Variants in CDYL2 observed in about 807,000 individuals in gnomAD.
CDYL2 encodes the protein chromodomain Y-like protein 2.
A neutral mutation model predicts 49.4 loss-of-function variants in CDYL2; 23 were observed. The ratio of observed to expected loss-of-function variants is 0.47; its 90% CI spans 0.34 to 0.66. The LOEUF (loss-of-function observed/expected upper bound fraction) is 0.66. Among genes scored for constraint, CDYL2 ranks in the 30% least tolerant of loss-of-function variants. The pLI is 0.01. For missense variants in CDYL2, 678 were observed against 656.4 expected, an observed-to-expected ratio of 1.03 and a Z score of -0.36; for synonymous variants, 360 against 268.8, an observed-to-expected ratio of 1.34 and a Z score of -3.32.
At chr16:80,789,400 G>C (rs769665608) in intron 1 of CDYL2, among the ~76,000 whole-genome samples, 1 of 152,148 alleles carries the variant, frequency 6.6e-6, no homozygotes, top group South Asian at 2.1e-4. Flanking sequence ...AGGAGTTCAA[G>C]ACCAGCCTGG....
At chr16:80,706,602 G>A (rs987817883) in intron 1 of CDYL2, among the ~76,000 whole-genome samples, 2 of 152,126 alleles carry the variant, frequency 1.3e-5, no homozygotes, top group Non-Finnish European at 2.9e-5. Flanking sequence ...AAGCCGCTAG[G>A]GGCAGCCCCA....
At chr16:80,714,773 T>G (rs1248112172) in intron 1 of CDYL2, among the ~76,000 whole-genome samples, 1 of 152,208 alleles carries the variant, frequency 6.6e-6, no homozygotes, top group Admixed American at 6.5e-5. Flanking sequence ...TCCTGAGGGT[T>G]GCTCAGTGAC....
chr16:80,613,478 A>G (rs1906692998), intron 4 of CDYL2, among the ~76,000 whole-genome samples: 1 of 152,164 alleles, frequency 6.6e-6, no homozygotes, highest in Non-Finnish European at 1.5e-5. Context: ...AATTACCTGC[A>G]GGGATGCCAG....
intron 1 of CDYL2, among the ~76,000 whole-genome samples, chr16:80,714,090 C>T (rs1197202143): frequency 1.3e-5 from 2 of 152,122 alleles, no homozygotes; most frequent in African/African-American, 4.8e-5. Flanking sequence ...AATTTTTTAA[C>T]ACTACTAATT....
At chr16:80,794,423 G>C (rs886204948) in intron 1 of CDYL2, among the ~76,000 whole-genome samples, 8 of 151,996 alleles carry the variant, frequency 5.3e-5, no homozygotes, top group African/African-American at 1.9e-4. Context: ...GCATTTACCA[G>C]AAGTTCCAAT....
intron 1 of CDYL2, among the ~76,000 whole-genome samples, chr16:80,791,332 A>C (rs1339823111): frequency 2.6e-5 from 4 of 152,252 alleles, no homozygotes; most frequent in African/African-American, 9.6e-5. Flanking sequence ...CATATAAATG[A>C]AAGATTGAAT....
chr16:80,677,581 C>CA (rs1056525527), intron 2 of CDYL2, among the ~76,000 whole-genome samples: 14 of 151,058 alleles, frequency 9.3e-5, no homozygotes, highest in African/African-American at 2.4e-4. Flanking sequence ...AATAAAAATA[C>CA]AAAAAAAATC....
intron 1 of CDYL2, among the ~76,000 whole-genome samples, chr16:80,742,782 G>A (rs1475590457): frequency 6.9e-6 from 1 of 144,532 alleles, no homozygotes; most frequent in African/African-American, 2.6e-5. Context: ...GGATAGATGG[G>A]CAGATGGATG....
intron 3 of CDYL2, among the ~76,000 whole-genome samples, chr16:80,623,199 C>T (rs1228134434): frequency 2.6e-5 from 4 of 152,148 alleles, no homozygotes; most frequent in Non-Finnish European, 5.9e-5. Flanking sequence ...CCAGCCCCGA[C>T]GTATGACAGG....
rs115012427 is a variant in CDYL2 at position 80,721,082 on chromosome 16, T to C, written c.25-35953A>G. On this transcript the variant is annotated intron_variant, in intron 1 of 6. Transcript: ENST00000570137. ...GAAAATGTCAGCTCCTCCCCAGCAG[T>C]TAGGGGCTTCCTTCTCAGTGCCCCC... is the stretch of plus-strand genomic sequence containing the variant. Among the ~76,000 whole-genome samples the C allele has an allele frequency of 4.0e-3, 614 of 152,286 alleles. 3 individuals are homozygous for C. The highest frequency in any genetic ancestry group is 0.014 in the African/African-American group (579 of 41,560).
chr16:80,690,947 C>T (rs926562548), intron 1 of CDYL2, among the ~76,000 whole-genome samples: 5 of 152,094 alleles, frequency 3.3e-5, no homozygotes, highest in Non-Finnish European at 7.3e-5. Context: ...GGATTACAAT[C>T]AAAGATTTTG....
intron 2 of CDYL2, among the ~76,000 whole-genome samples, chr16:80,666,475 C>A (rs1478820398): frequency 6.6e-6 from 1 of 152,154 alleles, no homozygotes; most frequent in Non-Finnish European, 1.5e-5. Flanking sequence ...ACTCACAATG[C>A]CCTTCATGGG....
At chr16:80,748,357 T>C (rs1025451186) in intron 1 of CDYL2, among the ~76,000 whole-genome samples, 10 of 148,820 alleles carry the variant, frequency 6.7e-5, no homozygotes, top group Non-Finnish European at 1.2e-4. Context: ...AAACCCCATC[T>C]CTACTAAAAA....
chr16:80,644,090 A>G (rs1908226414), intron 2 of CDYL2, among the ~76,000 whole-genome samples: 1 of 152,210 alleles, frequency 6.6e-6, no homozygotes, highest in African/African-American at 2.4e-5. Flanking sequence ...CACCTCTTGA[A>G]TGCTTTGCTG....
chr16:80,712,853 T>C (rs1227994886), intron 1 of CDYL2, among the ~76,000 whole-genome samples: 1 of 152,160 alleles, frequency 6.6e-6, no homozygotes, highest in Non-Finnish European at 1.5e-5. Flanking sequence ...GAATTTTATA[T>C]CCCCTGGGTG....
At chr16:80,613,739 T>C (rs1338423836) in intron 4 of CDYL2, among the ~76,000 whole-genome samples, 1 of 152,244 alleles carries the variant, frequency 6.6e-6, no homozygotes, top group African/African-American at 2.4e-5. Context: ...AAAATTTTAA[T>C]ATTCATCTGG....
chr16:80,670,276 G>A (rs999792766), intron 2 of CDYL2, among the ~76,000 whole-genome samples: 15 of 131,522 alleles, frequency 1.1e-4, no homozygotes, highest in African/African-American at 2.9e-4. Context: ...CCCAGTGGGA[G>A]TTGACTGGAT....
At chr16:80,787,274 G>A (rs1471290586) in intron 1 of CDYL2, among the ~76,000 whole-genome samples, 1 of 152,148 alleles carries the variant, frequency 6.6e-6, no homozygotes, top group Non-Finnish European at 1.5e-5. Context: ...GAACTGAGAG[G>A]TCTTGGGGAC....
intron 1 of CDYL2, among the ~76,000 whole-genome samples, chr16:80,689,636 C>G (rs1372507785): frequency 6.6e-6 from 1 of 152,152 alleles, no homozygotes; most frequent in Non-Finnish European, 1.5e-5. Flanking sequence ...GGAACAGCAA[C>G]AAGAGGAACG....
Sources: gnomAD v4.1 joint callset for allele counts (sites outside exome capture counted in the v4.1 genomes callset) on GRCh38, gnomAD v4.1.1 for gene constraint, MANE v1.5 for transcripts, NCBI Gene and HGNC (gene_info 2026-07-23, HGNC 2026-07-21) for gene names.